MAP4: variants seen among roughly 807,000 people sequenced by gnomAD.
MAP4 encodes the protein microtubule associated protein 4.
Under a neutral mutation model 170.2 loss-of-function variants are expected in MAP4, and 76 were observed. The observed-to-expected ratio is 0.45, with a 90% CI of 0.37 to 0.54. MAP4 has a LOEUF of 0.54. Ranked by LOEUF, MAP4 falls within the 20% of genes least tolerant of loss-of-function variation. The pLI is 0.00. For synonymous variants in MAP4, 909 were observed against 994.5 expected, an observed-to-expected ratio of 0.91 and a Z score of 1.62; for missense variants, 2,506 against 2,748.0, an observed-to-expected ratio of 0.91 and a Z score of 1.97.
chr3:48,088,437 G>A (rs1406955840), intron 1 of MAP4, among the ~76,000 whole-genome samples: 2 of 151,970 alleles, frequency 1.3e-5, no homozygotes, highest in Non-Finnish European at 2.9e-5. Flanking sequence ...CCCAGACTGC[G>A]GCCGACCCTC....
intron 10 of MAP4, among the ~76,000 whole-genome samples, chr3:47,893,516 C>T (rs138966266): frequency 6.6e-6 from 1 of 152,280 alleles, no homozygotes; most frequent in East Asian, 1.9e-4. Flanking sequence ...TTTAACTCAG[C>T]ATGGTCCTTT....
intron 1 of MAP4, among the ~76,000 whole-genome samples, chr3:48,022,133 A>G (rs984828881): frequency 3.9e-5 from 6 of 152,212 alleles, no homozygotes; most frequent in Non-Finnish European, 7.3e-5. Context: ...TGCTGGGTCA[A>G]CTGGATATTT....
At chr3:47,881,447 T>TAC (rs2096706455) in intron 10 of MAP4, among the ~76,000 whole-genome samples, 2 of 3,518 alleles carry the variant, frequency 5.7e-4, no homozygotes, top group South Asian at 0.011. Flanking sequence ...AAAAAACAAC[T>TAC]ATATATATAT....
chr3:48,085,058 T>A (rs1387569868), intron 1 of MAP4, among the ~76,000 whole-genome samples: 2 of 152,078 alleles, frequency 1.3e-5, no homozygotes, highest in Non-Finnish European at 2.9e-5. Flanking sequence ...GATACTTACT[T>A]GGTTTCCTTT....
intron 11 of MAP4, chr3:47,877,028 T>C: frequency 6.1e-6 from 1 of 164,304 alleles, no homozygotes; most frequent in South Asian, 1.6e-4. Flanking sequence ...ATTACAGGCA[T>C]GCATCACCAC....
At position 47,850,735 on chromosome 3, in the gene MAP4, CTG is replaced by C. The variant is rs1472803856; in HGVS notation, c.*2197_*2198del. 1 of 153,670 alleles carries C rather than the reference CTG, an allele frequency of 6.5e-6. No individual in the cohort carries two copies. The highest frequency in any genetic ancestry group is 2.4e-5 in the African/African-American group (1 of 41,452). 9.5% of individuals were successfully genotyped at this position (153,670 alleles called of 1,614,324 possible). A position where few individuals can be genotyped will look rare whatever the true frequency, so the allele number is the denominator to read the frequency against. On this transcript the variant is annotated 3_prime_UTR_variant, in exon 21 of 21. Transcript: ENST00000683076. The stretch of plus-strand genomic sequence containing the variant: ...CAGCTTTATTTATTTACTCTTAAAA[CTG>C]TTACAACAGAATCATGGACTGACAC...
At chr3:48,038,664 G>T (rs2100120071) in intron 1 of MAP4, among the ~76,000 whole-genome samples, 1 of 152,094 alleles carries the variant, frequency 6.6e-6, no homozygotes, top group Admixed American at 6.5e-5. Context: ...GTTTCACCGT[G>T]TTAGCCAGGA....
At chr3:47,999,638 T>C (rs1277188875) in intron 1 of MAP4, among the ~76,000 whole-genome samples, 6 of 151,970 alleles carry the variant, frequency 3.9e-5, no homozygotes, top group African/African-American at 1.4e-4. Flanking sequence ...TACTTGTAAG[T>C]GGAAGCTAAA....
At chr3:47,880,641 A>G (rs914497708) in intron 10 of MAP4, among the ~76,000 whole-genome samples, 66 of 151,974 alleles carry the variant, frequency 4.3e-4, no homozygotes, top group Admixed American at 5.9e-4. Context: ...AATTTACAAA[A>G]AAAATTTTTT....
At chr3:47,876,102 G>T (rs1299018926) in intron 11 of MAP4, among the ~76,000 whole-genome samples, 1 of 150,686 alleles carries the variant, frequency 6.6e-6, no homozygotes, top group Non-Finnish European at 1.5e-5. Context: ...GATAGAGAAA[G>T]AAAATGGGGA....
chr3:47,933,764 C>A (rs781476336), intron 3 of MAP4, among the ~76,000 whole-genome samples: 26 of 152,076 alleles, frequency 1.7e-4, no homozygotes, highest in Non-Finnish European at 3.8e-4. Flanking sequence ...CCACGCCCGG[C>A]TAATTTTTTG....
chr3:47,914,765 C>T (rs947488429), intron 8 of MAP4, 52 bp downstream of exon 8: 2 of 1,609,300 alleles, frequency 1.2e-6, no homozygotes, highest in African/African-American at 1.3e-5. Flanking sequence ...ACCATCACTA[C>T]TCTATCGCCC....
chr3:48,061,344 C>T (rs981206684), intron 1 of MAP4, among the ~76,000 whole-genome samples: 73 of 152,238 alleles, frequency 4.8e-4, no homozygotes, highest in African/African-American at 1.2e-3. Context: ...AGGCACGCGC[C>T]GCCACGCCTG....
Position 48,084,991 on chromosome 3 carries a change from A to AAGT in MAP4, c.-20+3779_-20+3781dup, listed in dbSNP as rs1175604334. Among the ~76,000 whole-genome samples, 5 of 152,020 alleles carry AAGT rather than the reference A, an allele frequency of 3.3e-5. No homozygotes were observed. The East Asian group carries it at 5.8e-4, about 18-fold the overall frequency. On this transcript the variant is annotated intron_variant, in intron 1 of 18. Transcript: ENST00000360240. ...TCTCAACCCACTCACTCCTAGCAAT[A>AAGT]AGTCTACAATAACCTGGTTCTAAAA...
chr3:47,915,847 A>C, intron 7 of MAP4, 104 bp downstream of exon 7: 1 of 1,329,980 alleles, frequency 7.5e-7, no homozygotes, highest in Non-Finnish European at 1.0e-6. Context: ...CTTGCAAAGT[A>C]CAGTGTGACT....
intron 17 of MAP4, among the ~76,000 whole-genome samples, chr3:47,862,289 A>G (rs981270265): frequency 1.3e-5 from 2 of 149,898 alleles, no homozygotes; most frequent in African/African-American, 4.9e-5. Flanking sequence ...TTATACAAAA[A>G]TATGATTTTA....
rs563826148 is a variant in MAP4, at chr3:47,921,787, A to C, written c.507T>G (p.Asn169Lys). The C allele has an allele frequency of 1.2e-6, 2 of 1,609,236 alleles. No homozygotes were observed. The highest frequency in any genetic ancestry group is 2.7e-5 in the African/African-American group (2 of 74,924). ...TACCGTAACTGTCTTTCAAGGGATC[A>C]TTTTGTCCTGCAAATATTGAAGTAT... The part of the protein sequence containing the change: ...TADTSIFAGQ[N>K]DPLKDSYGMS... The change falls in exon 5 of 21, where the codon AAT becomes AAG. Residue 169 changes from asparagine to lysine, a missense_variant. This residue lies in a region of MAP4 where 2,008 missense variants were observed against 2,206.0 expected (regional missense o/e 0.91). Transcript: ENST00000683076.
intron 3 of MAP4, among the ~76,000 whole-genome samples, chr3:47,943,370 G>A (rs1266425868): frequency 6.6e-6 from 1 of 152,118 alleles, no homozygotes; most frequent in Non-Finnish European, 1.5e-5. Flanking sequence ...CCAGCACTTT[G>A]GGAGGCTGAG....
intron 1 of MAP4, among the ~76,000 whole-genome samples, chr3:48,009,467 A>C (rs1273876410): frequency 3.9e-5 from 6 of 152,208 alleles, no homozygotes; most frequent in African/African-American, 1.4e-4. Flanking sequence ...CAAGGCACTC[A>C]CTTTACAGCT....
Sources: allele counts gnomAD v4.1 joint callset (sites outside exome capture counted in the v4.1 genomes callset), GRCh38; gene constraint gnomAD v4.1.1; regional missense constraint gnomAD v4.1.1; transcripts MANE v1.5; gene names NCBI Gene and HGNC (gene_info 2026-07-23, HGNC 2026-07-21).